ADCY2: variants seen among roughly 807,000 people sequenced by gnomAD.
The protein encoded by ADCY2 is adenylate cyclase type 2.
In ADCY2, 31 loss-of-function variants were observed where a neutral mutation model predicts 125.2. The ratio of observed to expected loss-of-function variants is 0.25; its 90% CI spans 0.19 to 0.33. The LOEUF (loss-of-function observed/expected upper bound fraction) is 0.33, where lower values mean the gene tolerates loss of function less well. Among genes scored for constraint, ADCY2 ranks in the 10% least tolerant of loss-of-function variants. ADCY2 has a pLI of 1.00. For synonymous variants in ADCY2, 512 were observed against 548.4 expected, an observed-to-expected ratio of 0.93 and a Z score of 0.93; for missense variants, 904 against 1,418.2, an observed-to-expected ratio of 0.64 and a Z score of 5.82.
At chr5:7,616,703 A>G (rs1737774428) in intron 3 of ADCY2, among the ~76,000 whole-genome samples, 1 of 152,188 alleles carries the variant, frequency 6.6e-6, no homozygotes, top group African/African-American at 2.4e-5. Context: ...GTGATGTGTA[A>G]ATAAAATGTC....
chr5:7,665,340 G>A (rs1442280380), intron 4 of ADCY2, among the ~76,000 whole-genome samples: 3 of 152,158 alleles, frequency 2.0e-5, no homozygotes, highest in African/African-American at 7.2e-5. Context: ...CCAGATAACA[G>A]CCAGACCTTT....
intron 18 of ADCY2, among the ~76,000 whole-genome samples, chr5:7,775,680 C>T (rs1348257481): frequency 4.6e-5 from 7 of 152,148 alleles, no homozygotes; most frequent in Non-Finnish European, 5.9e-5. Context: ...CATAAGCCAC[C>T]GCACCCAGAC....
At chr5:7,543,779 C>T (rs570084708) in intron 3 of ADCY2, among the ~76,000 whole-genome samples, 7 of 151,872 alleles carry the variant, frequency 4.6e-5, no homozygotes, top group South Asian at 2.1e-4. Context: ...TTTGGGAGGC[C>T]GAGGTGGGCG....
At chr5:7,698,101 T>C (rs1740954049) in intron 6 of ADCY2, 146 bp from the exon 7 acceptor site, 2 of 910,850 alleles carry the variant, frequency 2.2e-6, no homozygotes, top group Non-Finnish European at 3.3e-6. Flanking sequence ...GGTTGAGTAA[T>C]GAAGGGAAGC....
intron 14 of ADCY2, among the ~76,000 whole-genome samples, chr5:7,728,362 TG>T (rs1741996338): frequency 6.6e-6 from 1 of 152,162 alleles, no homozygotes; most frequent in Admixed American, 6.5e-5. Flanking sequence ...TGTAGAGTGG[TG>T]AAAGTTTTGT....
At chr5:7,416,356 C>T (rs1257052820) in intron 2 of ADCY2, among the ~76,000 whole-genome samples, 1 of 152,168 alleles carries the variant, frequency 6.6e-6, no homozygotes, top group Non-Finnish European at 1.5e-5. Context: ...CCCACTAGAG[C>T]CCCTTGGAGG....
intron 4 of ADCY2, among the ~76,000 whole-genome samples, chr5:7,682,412 A>G (rs540008151): frequency 5.9e-5 from 9 of 152,310 alleles, no homozygotes; most frequent in African/African-American, 2.2e-4. Context: ...CTCCCCTCCC[A>G]TGGCTTTGCC....
intron 4 of ADCY2, among the ~76,000 whole-genome samples, chr5:7,652,913 AATAT>A (rs1036078734): frequency 6.6e-6 from 1 of 152,252 alleles, no homozygotes; most frequent in African/African-American, 2.4e-5. Flanking sequence ...AGAGCAATAA[AATAT>A]CATCCAGAAG....
chr5:7,613,160 TA>T (rs5865721), intron 3 of ADCY2, among the ~76,000 whole-genome samples: 90 of 124,254 alleles, frequency 7.2e-4, no homozygotes, highest in Middle Eastern at 4.5e-3. Context: ...AGTATAATAA[TA>T]AAAAAAAAAA....
chr5:7,803,648 T>C (rs928271588), intron 21 of ADCY2, among the ~76,000 whole-genome samples: 9 of 152,166 alleles, frequency 5.9e-5, no homozygotes, highest in African/African-American at 1.9e-4. Context: ...CCTGTCATCC[T>C]AGCACTTTAG....
At chr5:7,661,005 T>TAGG (rs1739510162) in intron 4 of ADCY2, among the ~76,000 whole-genome samples, 1 of 152,218 alleles carries the variant, frequency 6.6e-6, no homozygotes, top group Non-Finnish European at 1.5e-5. Flanking sequence ...CTTCACTGCA[T>TAGG]GACTGGCTTC....
intron 2 of ADCY2, among the ~76,000 whole-genome samples, chr5:7,454,809 G>A (rs1741609004): frequency 6.6e-6 from 1 of 151,882 alleles, no homozygotes; most frequent in East Asian, 1.9e-4. Flanking sequence ...TTTTTCACAT[G>A]TGTTTAAAAT....
chr5:7,493,064 T>C (rs11948030), intron 2 of ADCY2, among the ~76,000 whole-genome samples: 23,334 of 152,090 alleles, frequency 0.15, 2,294 homozygotes, highest in Non-Finnish European at 0.22. Context: ...TTCCTCAGTG[T>C]CTCAGGGCAG....
intron 3 of ADCY2, among the ~76,000 whole-genome samples, chr5:7,613,583 A>G (rs1579236287): frequency 1.3e-5 from 2 of 152,344 alleles, no homozygotes; most frequent in Admixed American, 1.3e-4. Flanking sequence ...GTGTTCATCA[A>G]CCACTGAGCT....
intron 2 of ADCY2, among the ~76,000 whole-genome samples, chr5:7,418,885 C>A (rs142559097): frequency 3.9e-3 from 588 of 152,148 alleles, no homozygotes; most frequent in African/African-American, 0.013. Flanking sequence ...GAACTTCTGA[C>A]CTCATGATCT....
At chr5:7,712,626 C>T (rs1741475074) in intron 10 of ADCY2, among the ~76,000 whole-genome samples, 1 of 152,178 alleles carries the variant, frequency 6.6e-6, no homozygotes, top group Non-Finnish European at 1.5e-5. Flanking sequence ...AATCCTCATG[C>T]TTCTAGCATC....
chr5:7,775,076 G>T (rs1462773559), intron 18 of ADCY2, among the ~76,000 whole-genome samples: 3 of 151,062 alleles, frequency 2.0e-5, no homozygotes, highest in Non-Finnish European at 4.4e-5. Flanking sequence ...GCACAGTCTG[G>T]GTTCACTGCA....
rs185577028 is a variant in ADCY2, at chr5:7,468,015, G to A, written c.409-52723G>A. Among the ~76,000 whole-genome samples the A allele has an allele frequency of 1.6e-3, 244 of 152,220 alleles. 3 individuals carry two copies. Among genetic ancestry groups the A allele is most frequent in the Non-Finnish European group, 2.6e-3 (180 of 68,004 alleles). On this transcript the variant is annotated intron_variant, in intron 2 of 24. Coordinates refer to ENST00000338316, the MANE Select transcript of ADCY2 (RefSeq NM_020546.3). ...AGAAGAACAGTCAAATGAACTTCCC[G>A]TTTTCTTTAAATATTATAAAAATAT...
At chr5:7,432,713 A>G (rs1740649108) in intron 2 of ADCY2, among the ~76,000 whole-genome samples, 1 of 152,234 alleles carries the variant, frequency 6.6e-6, no homozygotes, top group Admixed American at 6.5e-5. Flanking sequence ...AAGTACTGCT[A>G]TGTACAATTT....
Sources: gnomAD v4.1 joint callset for allele counts (sites outside exome capture counted in the v4.1 genomes callset) on GRCh38, gnomAD v4.1.1 for gene constraint, MANE v1.5 for transcripts, NCBI Gene and HGNC (gene_info 2026-07-23, HGNC 2026-07-21) for gene names.